GTF2IRD1: variants seen among roughly 807,000 people sequenced by gnomAD.
GTF2IRD1 encodes GTF2I repeat domain containing 1.
Under a neutral mutation model 113.2 loss-of-function variants are expected in GTF2IRD1, and 26 were observed. The observed-to-expected ratio is 0.23, with a 90% CI of 0.17 to 0.32. The LOEUF (loss-of-function observed/expected upper bound fraction) is 0.32, where lower values mean the gene tolerates loss of function less well. Ranked by LOEUF, GTF2IRD1 falls within the 10% of genes least tolerant of loss-of-function variation. The probability of loss-of-function intolerance (pLI) is 1.00; values close to 1 mark genes in which losing one functional copy is unlikely to be tolerated. For synonymous variants in GTF2IRD1, 484 were observed against 529.1 expected, an observed-to-expected ratio of 0.91 and a Z score of 1.17; for missense variants, 864 against 1,280.8, an observed-to-expected ratio of 0.67 and a Z score of 4.97.
chr7:74,547,032 C>T, intron 16 of GTF2IRD1, 71 bp from the exon 17 acceptor site: 1 of 1,394,482 alleles, frequency 7.2e-7, no homozygotes, highest in South Asian at 1.2e-5. Context: ...CCGACACAGG[C>T]ACGGGACACA....
At chr7:74,547,439 C>CTTTTTT (rs782144976) in intron 17 of GTF2IRD1, among the ~76,000 whole-genome samples, 153 bp downstream of exon 17, 3 of 111,208 alleles carry the variant, frequency 2.7e-5, no homozygotes, top group African/African-American at 3.6e-5. Flanking sequence ...CATGCCCAGC[C>CTTTTTT]TTTTTTTTTT....
intron 1 of GTF2IRD1, among the ~76,000 whole-genome samples, chr7:74,496,548 TGCGTTTGGGGG>T (rs1795729846): frequency 2.5e-5 from 3 of 120,690 alleles, no homozygotes; most frequent in South Asian, 2.6e-4. Context: ...TGTGGGTGTG[TGCGTTTGGGGG>T]GTGTACATGT....
chr7:74,465,325 G>A (rs1316934803), intron 1 of GTF2IRD1, among the ~76,000 whole-genome samples: 19 of 152,120 alleles, frequency 1.2e-4, no homozygotes, highest in African/African-American at 4.6e-4. Flanking sequence ...CATATCCAAA[G>A]GAGAGATGCT....
At chr7:74,579,827 T>C (rs1188643927) in intron 22 of GTF2IRD1, among the ~76,000 whole-genome samples, 1 of 151,882 alleles carries the variant, frequency 6.6e-6, no homozygotes, top group East Asian at 1.9e-4. Flanking sequence ...TTGAAGGAAA[T>C]TGGATAGGGC....
intron 1 of GTF2IRD1, among the ~76,000 whole-genome samples, chr7:74,464,333 T>A (rs1020436310): frequency 3.9e-5 from 6 of 152,206 alleles, no homozygotes. Flanking sequence ...GGCAAATCCA[T>A]GAGTTTCCCA....
chr7:74,596,394 A>G (rs1802411235), intron 25 of GTF2IRD1, among the ~76,000 whole-genome samples: 1 of 147,766 alleles, frequency 6.8e-6, no homozygotes, highest in Admixed American at 7.0e-5. Context: ...TAGGAGACAG[A>G]GGTTGCAGTG....
At chr7:74,497,187 CAG>C (rs1359588517) in intron 1 of GTF2IRD1, among the ~76,000 whole-genome samples, 4 of 152,114 alleles carry the variant, frequency 2.6e-5, no homozygotes, top group Admixed American at 2.6e-4. Flanking sequence ...AATATAAAAA[CAG>C]AACTACTATA....
intron 1 of GTF2IRD1, among the ~76,000 whole-genome samples, chr7:74,499,342 A>G (rs1795895323): frequency 6.6e-6 from 1 of 152,094 alleles, no homozygotes; most frequent in African/African-American, 2.4e-5. Context: ...GGCGGGAGCC[A>G]ATAAGCACAG....
rs1283671483 is a variant in GTF2IRD1 at position 74,557,713 on chromosome 7, A to G, written c.2098A>G (p.Lys700Glu). Residue 700 changes from lysine to glutamate, a missense_variant, in exon 20 of 27, where the codon AAG (lysine) becomes GAG (glutamate). Lys to Glu is a moderately conservative substitution (Grantham distance 56). Coordinates refer to ENST00000424337, the MANE Select transcript of GTF2IRD1 (RefSeq NM_005685.4). Reference protein sequence around the residue: ...LREQVQDLFNKKYGEALGIKY... With the variant: ...LREQVQDLFNEKYGEALGIKY... ...GGAGCAGGTCCAGGACCTTTTCAAT[A>G]AGAAATACGGTAAGCAGTGCAGAAC... 1.2e-6 allele frequency: 2 copies of G among 1,605,364 alleles called. No individual in the cohort carries two copies. Among genetic ancestry groups the G allele is most frequent in the Non-Finnish European group, 1.7e-6 (2 of 1,172,338 alleles).
chr7:74,585,376 G>A (rs1177859337), intron 22 of GTF2IRD1, among the ~76,000 whole-genome samples: 2 of 152,058 alleles, frequency 1.3e-5, no homozygotes, highest in Non-Finnish European at 2.9e-5. Flanking sequence ...GCCTCTGAGA[G>A]TGCTGGGATT....
At chr7:74,550,736 C>A (rs587774369) in intron 17 of GTF2IRD1, among the ~76,000 whole-genome samples, 7 of 152,050 alleles carry the variant, frequency 4.6e-5, no homozygotes, top group African/African-American at 1.4e-4. Context: ...ATCAAGACCC[C>A]ATCTCTACAA....
At chr7:74,508,275 A>C (rs1584551238) in intron 2 of GTF2IRD1, 72 bp downstream of exon 2, 1 of 1,516,780 alleles carries the variant, frequency 6.6e-7, no homozygotes. Flanking sequence ...CTCAAGTCCT[A>C]CCTCAGCTAC....
At chr7:74,546,869 A>G (rs781834036) in intron 16 of GTF2IRD1, among the ~76,000 whole-genome samples, 4 of 152,144 alleles carry the variant, frequency 2.6e-5, no homozygotes, top group Non-Finnish European at 5.9e-5. Context: ...TTGAGTTCCT[A>G]TCCCCTGGCT....
Position 74,589,942 on chromosome 7 carries a change from G to T in GTF2IRD1, c.2398+14G>T, listed in dbSNP as rs782641605. 2.6e-6 allele frequency: 4 copies of T among 1,568,216 alleles called. No individual in the cohort carries two copies. The highest frequency in any genetic ancestry group is 3.5e-6 in the Non-Finnish European group (4 of 1,138,748). ...ACGAGAAATACGGTCAGTGCCTGTG[G>T]TCAGGGTCAGCACACCAAGCCCTCC... is the stretch of plus-strand genomic sequence containing the variant. On this transcript the variant is annotated intron_variant, in intron 23 of 26. Coordinates refer to ENST00000424337, the MANE Select transcript of GTF2IRD1 (RefSeq NM_005685.4).
chr7:74,485,935 A>G (rs937810078), intron 1 of GTF2IRD1, among the ~76,000 whole-genome samples: 2 of 150,892 alleles, frequency 1.3e-5, no homozygotes, highest in African/African-American at 4.9e-5. Context: ...TTAAAAAAAA[A>G]GAAGAAGAAA....
At chr7:74,521,144 G>A in intron 6 of GTF2IRD1, 64 bp from the exon 7 acceptor site, 5 of 908,700 alleles carry the variant, frequency 5.5e-6, no homozygotes, top group Non-Finnish European at 9.2e-6. Flanking sequence ...TGTGCACTGG[G>A]GCCAGATCTG....
intron 1 of GTF2IRD1, among the ~76,000 whole-genome samples, chr7:74,498,780 G>A (rs1277791080): frequency 4.7e-5 from 7 of 148,726 alleles, no homozygotes; most frequent in Non-Finnish European, 8.9e-5. Context: ...CCAGGCTGGA[G>A]TGCAGTGGCA....
In GTF2IRD1 at chr7:74,555,080, C is replaced by A; in HGVS notation, c.1917-94C>A. 2 of 1,141,598 alleles carry A rather than the reference C, an allele frequency of 1.8e-6. No homozygotes were observed. The highest frequency in any genetic ancestry group is 1.3e-6 in the Non-Finnish European group (1 of 780,546). 70.7% of individuals were successfully genotyped at this position (1,141,598 alleles called of 1,614,324 possible). On this transcript the variant is annotated intron_variant, in intron 17 of 26. Transcript: ENST00000424337. The surrounding 1 kb of genome is among the most constrained non-coding windows in gnomAD (Gnocchi z 5.3). ...TATGCATAGCCAGAAGGGTCCATTG[C>A]AGGGCTGTGTAGACTGAGGCCCAGA...
intron 1 of GTF2IRD1, among the ~76,000 whole-genome samples, chr7:74,457,490 T>A (rs1793064343): frequency 6.6e-6 from 1 of 152,114 alleles, no homozygotes; most frequent in Non-Finnish European, 1.5e-5. Flanking sequence ...CTCCTATTTT[T>A]CTTAAATGCT....
Sources: allele counts gnomAD v4.1 joint callset (sites outside exome capture counted in the v4.1 genomes callset), GRCh38; gene constraint gnomAD v4.1.1; non-coding constraint Gnocchi (gnomAD v3.1); transcripts MANE v1.5; gene names NCBI Gene and HGNC (gene_info 2026-07-23, HGNC 2026-07-21).